BBS9: variants seen among roughly 807,000 people sequenced by gnomAD.
BBS9 encodes the protein protein PTHB1.
A neutral mutation model predicts 117.7 loss-of-function variants in BBS9; 89 were observed. That is an observed-to-expected ratio of 0.76 (90% confidence interval 0.64 to 0.90). The LOEUF (loss-of-function observed/expected upper bound fraction) is 0.90. Among genes scored for constraint, BBS9 ranks in the 40% least tolerant of loss-of-function variants. BBS9 has a pLI of 0.00. For missense variants in BBS9, 982 were observed against 1,042.2 expected (o/e 0.94, Z 0.80); for synonymous variants, 379 against 370.9 (o/e 1.02, Z -0.25).
chr7:33,193,249 A>G (rs1784418081), intron 5 of BBS9, among the ~76,000 whole-genome samples: 1 of 151,730 alleles, frequency 6.6e-6, no homozygotes, highest in Non-Finnish European at 1.5e-5. Context: ...TTGTTGTTTT[A>G]GTTATTTAGC....
intron 20 of BBS9, among the ~76,000 whole-genome samples, chr7:33,530,768 CT>C (rs1279239900): frequency 6.6e-6 from 1 of 152,092 alleles, no homozygotes; most frequent in East Asian, 1.9e-4. Context: ...TCTCTTGAAT[CT>C]GTTGAAAGGA....
intron 21 of BBS9, 30 bp from the exon 22 acceptor site, chr7:33,604,835 C>A: frequency 6.6e-7 from 1 of 1,506,532 alleles, no homozygotes; most frequent in South Asian, 1.1e-5. Context: ...TTACACATTG[C>A]TTAAAATATT....
intron 19 of BBS9, among the ~76,000 whole-genome samples, chr7:33,443,258 A>G (rs1287187530): frequency 6.6e-6 from 1 of 152,176 alleles, no homozygotes; most frequent in Admixed American, 6.5e-5. Context: ...TGATAGAAAG[A>G]TGGAAATGGA....
intron 21 of BBS9, among the ~76,000 whole-genome samples, chr7:33,578,519 C>T (rs530770844): frequency 1.3e-5 from 2 of 152,324 alleles, no homozygotes; most frequent in South Asian, 4.1e-4. Flanking sequence ...CACTGCTCTA[C>T]ATATTTCTCT....
At chr7:33,421,327 A>G (rs1194556248) in intron 19 of BBS9, among the ~76,000 whole-genome samples, 1 of 152,170 alleles carries the variant, frequency 6.6e-6, no homozygotes, top group East Asian at 1.9e-4. Context: ...GAGGGAGTGC[A>G]AAACATACAC....
Position 33,462,703 on chromosome 7 carries a change from A to G in BBS9, c.2116-42760A>G, listed in dbSNP as rs1446631837. On this transcript the variant is annotated intron_variant, in intron 19 of 22. Coordinates refer to ENST00000242067, the MANE Select transcript of BBS9 (RefSeq NM_198428.3). ...ACATGCTTATGGAAAATATTTAAAT[A>G]TTCTGAGTGGGTTCTTCCAAACCTA... is the stretch of plus-strand genomic sequence containing the variant. 3.3e-5 allele frequency among the ~76,000 whole-genome samples: 5 copies of G among 152,114 alleles called. No homozygotes were observed. The South Asian group carries it at 1.0e-3, about 31-fold the overall frequency.
intron 9 of BBS9, among the ~76,000 whole-genome samples, chr7:33,302,040 A>G (rs537754328): frequency 2.2e-4 from 33 of 152,210 alleles, no homozygotes; most frequent in African/African-American, 6.3e-4. Flanking sequence ...GATGTTGAGC[A>G]CCTTCTCATA....
chr7:33,180,662 T>C (rs1262253194), intron 5 of BBS9, among the ~76,000 whole-genome samples: 1 of 151,994 alleles, frequency 6.6e-6, no homozygotes, highest in Non-Finnish European at 1.5e-5. Context: ...GCCGAGAAAA[T>C]TCTTTGAGCA....
intron 21 of BBS9, among the ~76,000 whole-genome samples, chr7:33,622,026 A>G (rs1213147784): frequency 6.6e-6 from 1 of 152,136 alleles, no homozygotes; most frequent in Admixed American, 6.5e-5. Context: ...CCTGGCCAAC[A>G]TAGTGAAACA....
intron 5 of BBS9, among the ~76,000 whole-genome samples, chr7:33,222,040 A>G (rs1254131518): frequency 6.6e-6 from 1 of 152,186 alleles, no homozygotes; most frequent in Non-Finnish European, 1.5e-5. Flanking sequence ...TGTAAATTAA[A>G]GGAAGCCAGT....
chr7:33,141,956 G>T (rs1425723562), intron 1 of BBS9, among the ~76,000 whole-genome samples: 1 of 150,508 alleles, frequency 6.6e-6, no homozygotes, highest in Non-Finnish European at 1.5e-5. Context: ...TTTTTCTCGA[G>T]ATGGAGTCTC....
chr7:33,264,415 A>G (rs748451337), intron 7 of BBS9, 41 bp downstream of exon 7: 9 of 1,125,916 alleles, frequency 8.0e-6, no homozygotes, highest in South Asian at 7.4e-5. Context: ...CAATAATGCT[A>G]TATCTAATCA....
rs748755825 is a variant in BBS9, at chr7:33,257,254, T to A, written c.461T>A (p.Ile154Asn). The A allele has an allele frequency of 2.5e-6, 4 of 1,611,550 alleles. No individual in the cohort carries two copies. The African/African-American group carries it at 5.3e-5, about 22-fold the overall frequency. Residue 154 changes from isoleucine to asparagine, a missense_variant, in exon 6 of 23, where the codon ATC becomes AAC. Physicochemically the swap from Ile to Asn is moderately radical, Grantham distance 149. Coordinates refer to ENST00000242067, the MANE Select transcript of BBS9 (RefSeq NM_198428.3). ...GGVKGRDLICIQSMDGMLMVF... is the reference protein window; with the variant it reads ...GGVKGRDLICNQSMDGMLMVF... ...TCTTTAGGTCGAGATTTAATTTGCA[T>A]CCAGTCTATGGATGGGATGCTGATG... is the stretch of plus-strand genomic sequence containing the variant.
At chr7:33,139,742 C>T (rs1180691334) in intron 1 of BBS9, among the ~76,000 whole-genome samples, 2 of 147,046 alleles carry the variant, frequency 1.4e-5, no homozygotes, top group African/African-American at 4.8e-5. Context: ...TTCTTACTTT[C>T]TTATTTTCTC....
intron 18 of BBS9, 89 bp downstream of exon 18, chr7:33,383,927 T>C (rs567262293): frequency 7.5e-7 from 1 of 1,328,112 alleles, no homozygotes; most frequent in Admixed American, 2.1e-5. Context: ...ATGCATGCCA[T>C]TAGGCTATGT....
At chr7:33,391,358 C>T (rs1827044992) in intron 19 of BBS9, among the ~76,000 whole-genome samples, 1 of 151,938 alleles carries the variant, frequency 6.6e-6, no homozygotes, top group South Asian at 2.1e-4. Context: ...GTTTTTTTTC[C>T]TCCTGTGATG....
intron 19 of BBS9, among the ~76,000 whole-genome samples, chr7:33,484,234 C>A (rs4723289): frequency 0.15 from 23,411 of 152,028 alleles, 2,479 homozygotes; most frequent in East Asian, 0.47. Context: ...TCAGGAAAAT[C>A]TACAAAAAAG....
intron 21 of BBS9, among the ~76,000 whole-genome samples, chr7:33,537,767 G>A (rs1851681869): frequency 6.6e-6 from 1 of 152,084 alleles, no homozygotes; most frequent in Non-Finnish European, 1.5e-5. Context: ...TATAACCTCA[G>A]TATCTAGGGC....
chr7:33,303,522 T>TCTCCCC (rs1806965297), intron 9 of BBS9, among the ~76,000 whole-genome samples: 1 of 77,030 alleles, frequency 1.3e-5, no homozygotes. Flanking sequence ...AATGATCCCC[T>TCTCCCC]CCCCCCGCCC....
Sources: allele counts gnomAD v4.1 joint callset (sites outside exome capture counted in the v4.1 genomes callset), GRCh38; gene constraint gnomAD v4.1.1; transcripts MANE v1.5; gene names NCBI Gene and HGNC (gene_info 2026-07-23, HGNC 2026-07-21).